The following ZAP70 variants were observed in gnomAD, a reference collection of about 807,000 sequenced individuals.
ZAP70 encodes the protein zeta chain of T cell receptor associated protein kinase 70.
ZAP70 carries 27 observed loss-of-function variants against 65.8 expected under a neutral mutation model. The observed-to-expected ratio is 0.41, with a 90% CI of 0.30 to 0.57. The LOEUF (loss-of-function observed/expected upper bound fraction) is 0.57. Among genes scored for constraint, ZAP70 ranks in the 20% least tolerant of loss-of-function variants. The pLI is 0.28. For synonymous variants in ZAP70, 363 were observed against 360.8 expected (o/e 1.01, Z -0.07); for missense variants, 696 against 870.5 (o/e 0.80, Z 2.52).
At chr2:97,732,117 C>T (rs528198270) in intron 4 of ZAP70, among the ~76,000 whole-genome samples, 1 of 152,210 alleles carries the variant, frequency 6.6e-6, no homozygotes, top group East Asian at 1.9e-4. Context: ...AGTTTCTTAC[C>T]CCACAAATGC....
intron 4 of ZAP70, among the ~76,000 whole-genome samples, chr2:97,727,084 G>A (rs1177600846): frequency 3.9e-5 from 6 of 152,256 alleles, no homozygotes; most frequent in Non-Finnish European, 7.3e-5. Flanking sequence ...GCTAGCTGAA[G>A]CTTGTTTGTG....
intron 9 of ZAP70, 134 bp from the exon 10 acceptor site, chr2:97,735,116 G>A (rs1677806402): frequency 1.8e-6 from 2 of 1,086,164 alleles, no homozygotes; most frequent in Non-Finnish European, 2.7e-6. Context: ...TGAGCGCCTT[G>A]GTCCCAGCCT....
the ZAP70 span, among the ~76,000 whole-genome samples, chr2:97,752,739 G>C: frequency 6.6e-6 from 1 of 152,322 alleles, no homozygotes; most frequent in East Asian, 1.9e-4. Context: ...TTCAAATTTT[G>C]TGGACTAGCC....
chr2:97,719,443 G>A (rs544330004), intron 2 of ZAP70, among the ~76,000 whole-genome samples: 10 of 151,656 alleles, frequency 6.6e-5, no homozygotes, highest in African/African-American at 2.4e-4. Flanking sequence ...AAGCAGGAGG[G>A]AGGAGTCATA....
chr2:97,753,484 G>A, the ZAP70 span, among the ~76,000 whole-genome samples: 7 of 152,208 alleles, frequency 4.6e-5, no homozygotes, highest in East Asian at 1.9e-4. Flanking sequence ...TTTTAGCTCC[G>A]GAACACTGAC....
Position 97,739,808 on chromosome 2 carries a change from C to T in ZAP70, c.*310C>T. 1 of 445,266 alleles carries T rather than the reference C, an allele frequency of 2.2e-6. No individual in the cohort carries two copies. Among genetic ancestry groups the T allele is most frequent in the Non-Finnish European group, 4.1e-6 (1 of 243,704 alleles). The allele number at this position is 445,266 out of a possible 1,614,324, so 27.6% of individuals were successfully genotyped here. On this transcript the variant is annotated 3_prime_UTR_variant, in exon 14 of 14. Coordinates refer to ENST00000264972, the MANE Select transcript of ZAP70 (RefSeq NM_001079.4). ...CTGGGCCCTGACATTGGAGCCTGGG[C>T]ATCCTCAGGTGGTCAGGCGTAGATC... is the stretch of plus-strand genomic sequence containing the variant.
At chr2:97,717,403 G>A (rs964607670) in intron 2 of ZAP70, among the ~76,000 whole-genome samples, 6 of 146,802 alleles carry the variant, frequency 4.1e-5, no homozygotes, top group Admixed American at 2.0e-4. Context: ...GGGGACATGC[G>A]GAGCCTCTGA....
downstream of ZAP70, among the ~76,000 whole-genome samples, chr2:97,744,166 T>C (rs1354300808): frequency 1.3e-5 from 2 of 152,178 alleles, no homozygotes; most frequent in Admixed American, 1.3e-4. Context: ...AGCGAAACCC[T>C]ATCCACTCCC....
chr2:97,750,220 G>A, the ZAP70 span, among the ~76,000 whole-genome samples: 3 of 152,302 alleles, frequency 2.0e-5, no homozygotes, highest in African/African-American at 4.8e-5. Context: ...GCCCTTCCCC[G>A]CAGTGCAGCA....
chr2:97,740,248 GC>G (rs1163932081), downstream of ZAP70, among the ~76,000 whole-genome samples: 4 of 152,228 alleles, frequency 2.6e-5, no homozygotes, highest in East Asian at 7.8e-4. Context: ...GAGATACAAT[GC>G]TTTTCATTGG....
intron 3 of ZAP70, chr2:97,724,753 C>T (rs1246994489): frequency 1.7e-5 from 26 of 1,503,864 alleles, no homozygotes; most frequent in Non-Finnish European, 2.2e-5. Flanking sequence ...GGAGGGTGCG[C>T]GGGGCTAGGG....
Position 97,715,575 on chromosome 2 carries a change from T to C in ZAP70, c.-22+1581T>C, listed in dbSNP as rs985272099. 1.3e-5 allele frequency among the ~76,000 whole-genome samples: 2 copies of C among 152,056 alleles called. No individual in the cohort carries two copies. Among genetic ancestry groups the C allele is most frequent in the African/African-American group, 2.4e-5 (1 of 41,392 alleles). On this transcript the variant is annotated intron_variant, in intron 2 of 13. Coordinates refer to ENST00000264972, the MANE Select transcript of ZAP70 (RefSeq NM_001079.4). This position sits in a 1 kb window ranked among gnomAD's most constrained non-coding sequence, Gnocchi z 4.1. ...ACAGACACTTGGAGAGTGTGCTGGG[T>C]TGGGGAATCTGACCCTGACCCCGCA...
rs1327461162 is a variant in ZAP70, at chr2:97,715,311, C to T, written c.-22+1317C>T. Among the ~76,000 whole-genome samples, 4 of 152,202 alleles carry T rather than the reference C, an allele frequency of 2.6e-5. No individual in the cohort carries two copies. The highest frequency in any genetic ancestry group is 5.9e-5 in the Non-Finnish European group (4 of 68,032). Reference sequence around the variant, plus strand: ...TGACCCAGCGGGTGTTACTGGCATCCAGCATGTCCAGGACAGGAATCCTGT... The same window carrying T: ...TGACCCAGCGGGTGTTACTGGCATCTAGCATGTCCAGGACAGGAATCCTGT... On this transcript the variant is annotated intron_variant, in intron 2 of 13. Coordinates refer to ENST00000264972, the MANE Select transcript of ZAP70 (RefSeq NM_001079.4). The surrounding 1 kb of genome is among the most constrained non-coding windows in gnomAD (Gnocchi z 4.1).
chr2:97,747,026 GA>G, the ZAP70 span, among the ~76,000 whole-genome samples: 2 of 150,476 alleles, frequency 1.3e-5, no homozygotes, highest in Non-Finnish European at 3.0e-5. Flanking sequence ...ACTTCCAAAA[GA>G]AAAAAAAAGG....
At chr2:97,725,771 GGTGACTT>G (rs1414886703) in intron 4 of ZAP70, among the ~76,000 whole-genome samples, 6 of 152,198 alleles carry the variant, frequency 3.9e-5, no homozygotes, top group Non-Finnish European at 8.8e-5. Context: ...TTCCTGAGAA[GGTGACTT>G]CTGAGGAAGG....
intron 2 of ZAP70, among the ~76,000 whole-genome samples, chr2:97,723,399 G>A (rs1264130330): frequency 6.6e-6 from 1 of 152,256 alleles, no homozygotes; most frequent in African/African-American, 2.4e-5. Context: ...TGCGCATGCA[G>A]TCCTCTCTGC....
rs750523408 is a variant in ZAP70 at position 97,735,553 on chromosome 2, C to T, written c.1289+97C>T. 6.3e-6 allele frequency: 9 copies of T among 1,418,822 alleles called. 1 individual carries two copies. The highest frequency in any genetic ancestry group is 3.9e-5 in the South Asian group (3 of 77,264). 87.9% of individuals were successfully genotyped at this position (1,418,822 alleles called of 1,614,324 possible). ...CCGCGTGCATGCGTGTGTGGGAAGCCGGGGCACTTCCACACCATCGTGGAC... is the reference window on the plus strand; with the variant it reads ...CCGCGTGCATGCGTGTGTGGGAAGCTGGGGCACTTCCACACCATCGTGGAC... On this transcript the variant is annotated intron_variant, in intron 10 of 13. Coordinates refer to ENST00000264972, the MANE Select transcript of ZAP70 (RefSeq NM_001079.4).
Position 97,733,356 on chromosome 2 carries a change from C to A in ZAP70, c.837+13C>A, listed in dbSNP as rs200657253. The stretch of plus-strand genomic sequence containing the variant: ...CACGTTGACTCATGTGAGTTGGGGG[C>A]ACCTGGAGTGTGGCCTTGGGGATGG... On this transcript the variant is annotated intron_variant, in intron 7 of 13. Coordinates refer to ENST00000264972, the MANE Select transcript of ZAP70 (RefSeq NM_001079.4). The A allele has an allele frequency of 6.3e-7, 1 of 1,590,634 alleles. No homozygotes were observed. Among genetic ancestry groups the A allele is most frequent in the Admixed American group, 1.7e-5 (1 of 58,504 alleles).
chr2:97,745,077 C>G, the ZAP70 span, among the ~76,000 whole-genome samples: 5 of 152,158 alleles, frequency 3.3e-5, no homozygotes, highest in Non-Finnish European at 7.4e-5. Flanking sequence ...CTCGCTCTGT[C>G]CCCCAGGCTG....
Sources: gnomAD v4.1 joint callset for allele counts (sites outside exome capture counted in the v4.1 genomes callset) on GRCh38, gnomAD v4.1.1 for gene constraint, Gnocchi (gnomAD v3.1) non-coding constraint, MANE v1.5 for transcripts, NCBI Gene and HGNC (gene_info 2026-07-23, HGNC 2026-07-21) for gene names.